Variants in DMXL1 observed in about 807,000 individuals in gnomAD.
DMXL1 encodes the protein dmX-like protein 1.
DMXL1 carries 99 observed loss-of-function variants against 319.2 expected under a neutral mutation model. That is an observed-to-expected ratio of 0.31 (90% CI 0.26 to 0.37). The LOEUF is 0.37. DMXL1 is among the 10% of genes least tolerant of loss of function. The probability of loss-of-function intolerance (pLI) is 1.00; values close to 1 mark genes in which losing one functional copy is unlikely to be tolerated. For synonymous variants in DMXL1, 1,385 were observed against 1,235.2 expected (o/e 1.12, Z -2.54); for missense variants, 3,745 against 3,595.6 (o/e 1.04, Z -1.06).
intron 5 of DMXL1, among the ~76,000 whole-genome samples, chr5:119,112,053 C>T (rs1374302955): frequency 1.3e-5 from 2 of 152,136 alleles, no homozygotes; most frequent in African/African-American, 4.8e-5. Context: ...CTCCGCCTCC[C>T]GGGTTCATAC....
At chr5:119,146,320 A>C (rs1166525606) in intron 15 of DMXL1, among the ~76,000 whole-genome samples, 1 of 151,986 alleles carries the variant, frequency 6.6e-6, no homozygotes, top group Non-Finnish European at 1.5e-5. Flanking sequence ...ATGTATTTTA[A>C]AAAGATATGT....
chr5:119,160,984 G>T (rs1772142708), intron 19 of DMXL1, among the ~76,000 whole-genome samples: 1 of 152,002 alleles, frequency 6.6e-6, no homozygotes, highest in Non-Finnish European at 1.5e-5. Flanking sequence ...TTTCCTTTGG[G>T]TTCATTATTG....
chr5:119,224,688 A>C lies in DMXL1; in HGVS notation c.8278-21A>C, dbSNP rs571155670. 4 of 1,005,914 alleles carry C rather than the reference A, an allele frequency of 4.0e-6. No individual in the cohort carries two copies. The South Asian group carries it at 8.9e-5, about 22-fold the overall frequency. The allele number at this position is 1,005,914 out of a possible 1,614,324, so 62.3% of individuals were successfully genotyped here. On this transcript the variant is annotated intron_variant, in intron 37 of 43. Transcript: ENST00000539542. ...TAATCCTTTTTATTATGCCTATAAA[A>C]TAATTTTTCTATTTTACCAGATGAT...
In DMXL1 at chr5:119,178,157, C is replaced by G; in HGVS notation, c.7048C>G (p.Pro2350Ala). ...SNELFRIVAH[P>A]LNEKMWSAVF... Reference sequence around the variant, plus strand: ...TGAGCTATTTCGGATTGTGGCCCATCCTCTAAATGAGAAAATGTGGTCTGC... The same window carrying G: ...TGAGCTATTTCGGATTGTGGCCCATGCTCTAAATGAGAAAATGTGGTCTGC... Residue 2350 changes from proline (P) to alanine (A), a missense_variant, in exon 28 of 44, where the codon CCT becomes GCT. Pro to Ala is a conservative substitution (Grantham distance 27). Coordinates refer to ENST00000539542, the MANE Select transcript of DMXL1 (RefSeq NM_001290321.3). 2 of 1,613,896 alleles carry G rather than the reference C, an allele frequency of 1.2e-6. No individual in the cohort carries two copies. Among genetic ancestry groups the G allele is most frequent in the Non-Finnish European group, 1.7e-6 (2 of 1,179,844 alleles).
chr5:119,192,786 G>A (rs965229075), intron 29 of DMXL1, among the ~76,000 whole-genome samples: 2 of 151,242 alleles, frequency 1.3e-5, no homozygotes, highest in African/African-American at 4.9e-5. Flanking sequence ...TCTTCTGTTT[G>A]ACACATAAAT....
At position 119,244,311 on chromosome 5, in the gene DMXL1, T is replaced by G. The variant is rs770091020; in HGVS notation, c.8705-48T>G. On this transcript the variant is annotated intron_variant, in intron 42 of 43. Transcript: ENST00000539542. ...ACTTTAGCCAAAAGCCAGAAGTCTA[T>G]TTCTTTTATTGTTAAGTGTTTTTGT... 4 of 1,463,392 alleles carry G rather than the reference T, an allele frequency of 2.7e-6. No individual in the cohort carries two copies. The Admixed American group carries it at 8.7e-5, about 32-fold the overall frequency. 90.7% of individuals were successfully genotyped at this position (1,463,392 alleles called of 1,614,324 possible).
intron 1 of DMXL1, among the ~76,000 whole-genome samples, chr5:119,089,012 T>C (rs905254765): frequency 1.8e-4 from 27 of 151,850 alleles, no homozygotes; most frequent in African/African-American, 6.5e-4. Flanking sequence ...TAGTGGTTTT[T>C]TTAATTTCAT....
At chr5:119,210,635 T>C (rs528500006) in intron 34 of DMXL1, among the ~76,000 whole-genome samples, 4 of 152,252 alleles carry the variant, frequency 2.6e-5, no homozygotes, top group Non-Finnish European at 4.4e-5. Flanking sequence ...GGGCCATTGA[T>C]CCATCTTTAT....
intron 9 of DMXL1, among the ~76,000 whole-genome samples, chr5:119,125,688 C>A: frequency 6.6e-6 from 1 of 152,028 alleles, no homozygotes; most frequent in South Asian, 2.1e-4. Context: ...CCTCTGCCTC[C>A]CAAGTAGCTG....
At chr5:119,134,581 T>TTGAAAGAAAGTAGAG (rs1336159061) in intron 13 of DMXL1, among the ~76,000 whole-genome samples, 192 bp downstream of exon 13, 2 of 152,224 alleles carry the variant, frequency 1.3e-5, no homozygotes, top group Admixed American at 6.5e-5. Context: ...CTTTCACTCT[T>TTGAAAGAAAGTAGAG]TGAAAGAAAG....
At chr5:119,210,757 G>GTTTTTTTTTTTTTTTTTTTTTTGT in intron 34 of DMXL1, among the ~76,000 whole-genome samples, 2 of 89,778 alleles carry the variant, frequency 2.2e-5, no homozygotes, top group East Asian at 3.5e-4. Context: ...TTTTTCTTTC[G>GTTTTTTTTTTTTTTTTTTTTTTGT]TTTTTTTTTT....
chr5:119,158,771 T>C (rs189189141), intron 19 of DMXL1, among the ~76,000 whole-genome samples: 2 of 152,368 alleles, frequency 1.3e-5, no homozygotes, highest in Admixed American at 1.3e-4. Flanking sequence ...TTTGTTAATA[T>C]GAACAGAATG....
intron 3 of DMXL1, among the ~76,000 whole-genome samples, chr5:119,104,564 G>C (rs996179698): frequency 2.0e-5 from 3 of 152,088 alleles, no homozygotes; most frequent in Non-Finnish European, 2.9e-5. Context: ...GCCACAACCC[G>C]AATTTAAAAA....
rs763242043 is a variant in DMXL1, at chr5:119,116,329, A to G, written c.736A>G (p.Met246Val). The G allele has an allele frequency of 6.2e-7, 1 of 1,613,924 alleles. No individual in the cohort carries two copies. The highest frequency in any genetic ancestry group is 1.1e-5 in the South Asian group (1 of 91,058). Residue 246 changes from methionine (M) to valine (V), a missense_variant, in exon 7 of 44, where the codon ATG becomes GTG. Physicochemically the swap from Met to Val is conservative, Grantham distance 21. Coordinates refer to ENST00000539542, the MANE Select transcript of DMXL1 (RefSeq NM_001290321.3). ...TTCCTGGCGTAAAACAAGCAAATAT[A>G]TGCCTAGGTCAGTGGATTGGTCATT... ...GFSWRKTSKY[M>V]PRASVCNVLL...
chr5:119,105,100 G>C (rs1758043649), intron 3 of DMXL1, 80 bp from the exon 4 acceptor site: 3 of 904,716 alleles, frequency 3.3e-6, no homozygotes, highest in Non-Finnish European at 5.4e-6. Context: ...GTTATTGTAA[G>C]AATAACAAGC....
chr5:119,189,608 G>C, intron 28 of DMXL1, 100 bp from the exon 29 acceptor site: 1 of 1,025,596 alleles, frequency 9.8e-7, no homozygotes. Flanking sequence ...ATTTTTTTGT[G>C]TGTGCTTATT....
rs191625864 is a variant in DMXL1, at chr5:119,129,729, C to G, written c.1315+306C>G. On this transcript the variant is annotated intron_variant, in intron 10 of 43. Coordinates refer to ENST00000539542, the MANE Select transcript of DMXL1 (RefSeq NM_001290321.3). The stretch of plus-strand genomic sequence containing the variant: ...CCCAGGAGCTTGTTAGAATGCATGT[C>G]TCAAGGTCCACACAGACCCACCAAA... Among the ~76,000 whole-genome samples the G allele has an allele frequency of 1.1e-3, 165 of 152,284 alleles. 2 individuals are homozygous for G. The highest frequency in any genetic ancestry group is 3.7e-3 in the African/African-American group (155 of 41,574).
chr5:119,164,265 G>C (rs571577481), intron 19 of DMXL1, among the ~76,000 whole-genome samples: 11 of 152,014 alleles, frequency 7.2e-5, no homozygotes, highest in Non-Finnish European at 1.5e-4. Context: ...AGTGGAATTT[G>C]CCATAAGCAT....
In DMXL1 at chr5:119,081,485, T is replaced by G. The variant is rs534314137; in HGVS notation, c.87+9829T>G. ...CATATTTTAATGTGTAAAAACTGCT[T>G]GAGAACATACTTTGACTCAAACATC... On this transcript the variant is annotated intron_variant, in intron 1 of 43. Coordinates refer to ENST00000539542, the MANE Select transcript of DMXL1 (RefSeq NM_001290321.3). 17 of 813,886 alleles carry G rather than the reference T, an allele frequency of 2.1e-5. No individual in the cohort carries two copies. In the South Asian group the frequency reaches 3.4e-4, roughly 16 times the overall value. 50.4% of individuals were successfully genotyped at this position (813,886 alleles called of 1,614,324 possible).
Sources: gnomAD v4.1 joint callset for allele counts (sites outside exome capture counted in the v4.1 genomes callset) on GRCh38, gnomAD v4.1.1 for gene constraint, MANE v1.5 for transcripts, NCBI Gene and HGNC (gene_info 2026-07-23, HGNC 2026-07-21) for gene names.